JMJD1C: variants seen among roughly 807,000 people sequenced by gnomAD.
JMJD1C encodes the protein jumonji domain-containing protein 1C.
In JMJD1C, 31 loss-of-function variants were observed where a neutral mutation model predicts 245.3. That is an observed-to-expected ratio of 0.13 (90% CI 0.09 to 0.17). The LOEUF (loss-of-function observed/expected upper bound fraction) is 0.17. Ranked by LOEUF, JMJD1C falls within the 10% of genes least tolerant of loss-of-function variation. JMJD1C has a pLI of 1.00. For missense variants in JMJD1C, 2,691 were observed against 3,000.2 expected, an observed-to-expected ratio of 0.90 and a Z score of 2.41; for synonymous variants, 1,057 against 1,017.4, an observed-to-expected ratio of 1.04 and a Z score of -0.74.
At chr10:63,222,129 G>A (rs763582286) in intron 3 of JMJD1C, 27 of 693,492 alleles carry the variant, frequency 3.9e-5, no homozygotes, top group African/African-American at 2.4e-4. Flanking sequence ...TAGCACTTCC[G>A]CCAGGGAGGT....
At chr10:63,231,879 T>A (rs1850056035) in intron 3 of JMJD1C, among the ~76,000 whole-genome samples, 1 of 152,166 alleles carries the variant, frequency 6.6e-6, no homozygotes, top group Admixed American at 6.5e-5. Flanking sequence ...CTCTTGTCAC[T>A]CAGGCTGGAG....
intron 1 of JMJD1C, among the ~76,000 whole-genome samples, chr10:63,432,582 A>AGT (rs1243042558): frequency 6.6e-6 from 1 of 152,238 alleles, no homozygotes; most frequent in African/African-American, 2.4e-5. Flanking sequence ...ACAACAGCCC[A>AGT]GTCTTCAACA....
At chr10:63,499,845 G>T (rs1189216333) in intron 1 of JMJD1C, among the ~76,000 whole-genome samples, 3 of 152,146 alleles carry the variant, frequency 2.0e-5, no homozygotes, top group African/African-American at 4.8e-5. Flanking sequence ...TATTTCAGAA[G>T]AAAATCATTA....
intron 3 of JMJD1C, among the ~76,000 whole-genome samples, chr10:63,234,493 TAAAAAAAAAAAA>T (rs71025129): frequency 4.1e-4 from 15 of 37,032 alleles, no homozygotes; most frequent in African/African-American, 6.7e-4. Context: ...AACCTCCTCT[TAAAAAAAAAAAA>T]AAAAAAAAAA....
At chr10:63,460,170 C>G (rs10995540) in intron 1 of JMJD1C, among the ~76,000 whole-genome samples, 100,380 of 151,996 alleles carry the variant, frequency 0.66, 36,039 homozygotes, top group Non-Finnish European at 0.81. Flanking sequence ...ATGGATACTG[C>G]GGAGGGGAAG....
intron 3 of JMJD1C, chr10:63,222,241 AGATGATTTACAG>A: frequency 1.3e-6 from 1 of 792,866 alleles, no homozygotes. Flanking sequence ...AAAAGCATCA[AGATGATTTACAG>A]GATGTAACAG....
At chr10:63,323,829 T>A (rs1231398354) in intron 2 of JMJD1C, among the ~76,000 whole-genome samples, 1 of 152,160 alleles carries the variant, frequency 6.6e-6, no homozygotes, top group Non-Finnish European at 1.5e-5. Context: ...CATATGTGTG[T>A]GTGTATACAT....
At chr10:63,220,739 G>A (rs532789015) in intron 3 of JMJD1C, among the ~76,000 whole-genome samples, 2 of 152,234 alleles carry the variant, frequency 1.3e-5, no homozygotes, top group South Asian at 4.1e-4. Context: ...TCCTGCATTT[G>A]AGATCAGCTG....
chr10:63,481,901 C>T (rs561870317), intron 1 of JMJD1C, among the ~76,000 whole-genome samples: 3 of 152,290 alleles, frequency 2.0e-5, no homozygotes, highest in Admixed American at 2.0e-4. Flanking sequence ...CTCTTCAAAG[C>T]TGCATGGAGA....
chr10:63,488,965 C>T (rs986060617), intron 1 of JMJD1C, among the ~76,000 whole-genome samples: 4 of 152,080 alleles, frequency 2.6e-5, no homozygotes, highest in African/African-American at 9.7e-5. Context: ...GACGATGGTC[C>T]CATAAGATTA....
chr10:63,193,330 G>A lies in JMJD1C; in HGVS notation c.5862+15C>T, dbSNP rs1365889395. 7 of 1,575,826 alleles carry A rather than the reference G, an allele frequency of 4.4e-6. No homozygotes were observed. Among genetic ancestry groups the A allele is most frequent in the Non-Finnish European group, 6.0e-6 (7 of 1,165,152 alleles). ...ACCACAGATTTTATTTGAATAACCAGAGATTTTTACTCACTTGAGATACAC... is the reference window on the plus strand; with the variant it reads ...ACCACAGATTTTATTTGAATAACCAAAGATTTTTACTCACTTGAGATACAC... On this transcript the variant is annotated intron_variant, in intron 15 of 25. Transcript: ENST00000399262.
chr10:63,239,036 G>A (rs1851146656), intron 3 of JMJD1C, among the ~76,000 whole-genome samples: 1 of 152,148 alleles, frequency 6.6e-6, no homozygotes, highest in Non-Finnish European at 1.5e-5. Context: ...AGGTGTGTCA[G>A]GAAAGGATTT....
At position 63,214,405 on chromosome 10, in the gene JMJD1C, G is replaced by T. The variant is rs765146723; in HGVS notation, c.1762C>A (p.His588Asn). Residue 588 changes from histidine (H) to asparagine (N), a missense_variant, in exon 8 of 26, where the codon CAC (histidine) becomes AAC (asparagine). Transcript: ENST00000399262. Reference protein sequence around the residue: ...SVTNASSGNDHLNMEKEKYVS... With the variant: ...SVTNASSGNDNLNMEKEKYVS... The stretch of plus-strand genomic sequence containing the variant: ...TACTTCTCTTTTTCCATGTTCAAGT[G>T]ATCATTTCCTGAAGAAGCATTTGTA... 1 of 1,613,848 alleles carries T rather than the reference G, an allele frequency of 6.2e-7. No individual in the cohort carries two copies. The highest frequency in any genetic ancestry group is 2.2e-5 in the East Asian group (1 of 44,864).
intron 1 of JMJD1C, among the ~76,000 whole-genome samples, chr10:63,444,355 C>T (rs762671751): frequency 3.3e-5 from 5 of 152,168 alleles, no homozygotes; most frequent in Non-Finnish European, 7.3e-5. Context: ...CTCACCGCAA[C>T]CTCCGCCTCC....
chr10:63,203,488 T>C, intron 10 of JMJD1C: 1 of 984,588 alleles, frequency 1.0e-6, no homozygotes, highest in Non-Finnish European at 1.2e-6. Context: ...CCTTAAAAAA[T>C]ATTTTTTTGG....
At chr10:63,496,409 G>A (rs576025677) in intron 1 of JMJD1C, among the ~76,000 whole-genome samples, 1 of 152,258 alleles carries the variant, frequency 6.6e-6, no homozygotes, top group South Asian at 2.1e-4. Flanking sequence ...CTACCTAGGG[G>A]TAGCTCTCCT....
At chr10:63,516,366 C>G (rs751155938) in intron 1 of JMJD1C, among the ~76,000 whole-genome samples, 2 of 152,076 alleles carry the variant, frequency 1.3e-5, no homozygotes, top group Non-Finnish European at 2.9e-5. Context: ...AATTATCACT[C>G]AAGACATCAA....
chr10:63,481,673 T>G lies in JMJD1C; in HGVS notation n.113+40065A>C, dbSNP rs192958071. ...GGATCTCTTCCATAACCTCACTTAGTAGATACAAACACTTCTTTCAAAAAT... is the reference window on the plus strand; with the variant it reads ...GGATCTCTTCCATAACCTCACTTAGGAGATACAAACACTTCTTTCAAAAAT... On this transcript the variant is annotated intron_variant and non_coding_transcript_variant, in intron 1 of 3. Coordinates refer to the JMJD1C transcript ENST00000633035. 5.8e-3 allele frequency among the ~76,000 whole-genome samples: 881 copies of G among 152,298 alleles called. 2 individuals are homozygous for G. The highest frequency in any genetic ancestry group is 0.017 in the Middle Eastern group (5 of 294).
chr10:63,369,990 A>G (rs1181210067), intron 2 of JMJD1C, among the ~76,000 whole-genome samples: 1 of 152,218 alleles, frequency 6.6e-6, no homozygotes, highest in South Asian at 2.1e-4. Context: ...CAGAGGCCAA[A>G]GCTACACCTT....
Sources: gnomAD v4.1 joint callset for allele counts (sites outside exome capture counted in the v4.1 genomes callset) on GRCh38, gnomAD v4.1.1 for gene constraint, MANE v1.5 for transcripts, NCBI Gene and HGNC (gene_info 2026-07-23, HGNC 2026-07-21) for gene names.